The following SHANK2 variants were observed in gnomAD, a reference collection of about 807,000 sequenced individuals.
SHANK2 encodes SH3 and multiple ankyrin repeat domains protein 2.
Under a neutral mutation model 133.7 loss-of-function variants are expected in SHANK2, and 43 were observed. The observed-to-expected ratio is 0.32, with a 90% CI of 0.25 to 0.41. SHANK2 has a LOEUF of 0.41. SHANK2 is among the 10% of genes least tolerant of loss of function. The pLI is 1.00. For synonymous variants in SHANK2, 1,017 were observed against 952.8 expected (o/e 1.07, Z -1.24); for missense variants, 1,994 against 2,235.8 (o/e 0.89, Z 2.18).
At chr11:70,753,394 C>T (rs478636) in intron 14 of SHANK2, among the ~76,000 whole-genome samples, 81,844 of 151,840 alleles carry the variant, frequency 0.54, 22,410 homozygotes, top group African/African-American at 0.64. Context: ...TCAATGTCCA[C>T]AGAATATTCG....
chr11:70,776,055 C>G (rs1555043855), intron 14 of SHANK2, among the ~76,000 whole-genome samples: 1 of 152,238 alleles, frequency 6.6e-6, no homozygotes, highest in Non-Finnish European at 1.5e-5. Flanking sequence ...CCCTGGCTGA[C>G]CAGACCCAGA....
intron 17 of SHANK2, among the ~76,000 whole-genome samples, chr11:70,629,451 G>A (rs1247083330): frequency 6.6e-6 from 1 of 152,202 alleles, no homozygotes; most frequent in East Asian, 1.9e-4. Flanking sequence ...GATGGAGTGG[G>A]ACACACGGAC....
rs183888883 is a variant in SHANK2, at chr11:70,629,272, C to G, written c.2061+30556G>C. Among the ~76,000 whole-genome samples, 969 of 152,330 alleles carry G rather than the reference C, an allele frequency of 6.4e-3. 4 individuals carry two copies. Among genetic ancestry groups the G allele is most frequent in the Non-Finnish European group, 0.012 (787 of 68,036 alleles). On this transcript the variant is annotated intron_variant, in intron 17 of 25. Coordinates refer to ENST00000601538, the MANE Select transcript of SHANK2 (RefSeq NM_012309.5). ...GCCCCACCAACTAAAACACACCACCCAGGCTGCTGCCGAAAAGGCTGGGAG... is the reference window on the plus strand; with the variant it reads ...GCCCCACCAACTAAAACACACCACCGAGGCTGCTGCCGAAAAGGCTGGGAG...
intron 17 of SHANK2, among the ~76,000 whole-genome samples, chr11:70,637,855 T>C (rs1049360064): frequency 6.6e-6 from 1 of 152,136 alleles, no homozygotes; most frequent in Admixed American, 6.5e-5. Context: ...GACCAGTGAG[T>C]CTACCCAGTG....
chr11:71,083,826 C>T (rs1293607896), intron 8 of SHANK2, among the ~76,000 whole-genome samples: 2 of 152,216 alleles, frequency 1.3e-5, no homozygotes, highest in African/African-American at 4.8e-5. Context: ...AATCTGACCC[C>T]TGATGTCCTT....
chr11:70,521,658 G>A (rs1417149820), intron 17 of SHANK2, among the ~76,000 whole-genome samples: 6 of 151,980 alleles, frequency 3.9e-5, no homozygotes, highest in African/African-American at 9.7e-5. Flanking sequence ...GTGTGTGCAC[G>A]TGAGCATGTG....
In SHANK2 at chr11:70,820,384, C is replaced by T. The variant is rs782339697; in HGVS notation, c.1473G>A (p.Pro491=). The change falls in exon 12 of 26, where the codon CCG becomes CCA. Residue 491 remains proline (P), a synonymous_variant. Coordinates refer to ENST00000601538, the MANE Select transcript of SHANK2 (RefSeq NM_012309.5). ...CTTACCCGACATGCCAGAGAGGCTG[C>T]GGCCTCTTGCCGTCCTCGCCTGCGC... ...LGGAGEDGKR[P]QPLWHVGSPF... is the part of the protein sequence containing the mutation. 87 of 654,172 alleles carry T rather than the reference C, an allele frequency of 1.3e-4. 1 individual carries two copies. The highest frequency in any genetic ancestry group is 4.9e-4 in the Middle Eastern group (2 of 4,116). 40.5% of individuals were successfully genotyped at this position (654,172 alleles called of 1,614,324 possible).
intron 14 of SHANK2, among the ~76,000 whole-genome samples, chr11:70,780,213 CAG>C (rs1947452147): frequency 6.6e-6 from 1 of 152,150 alleles, no homozygotes; most frequent in Non-Finnish European, 1.5e-5. Context: ...TTCGTAGGGA[CAG>C]GGGTTGGAGG....
At chr11:70,812,383 T>A (rs1555053397) in intron 12 of SHANK2, among the ~76,000 whole-genome samples, 2 of 152,226 alleles carry the variant, frequency 1.3e-5, no homozygotes, top group African/African-American at 4.8e-5. Flanking sequence ...TTATTCACTG[T>A]TAATTTGAAC....
intron 14 of SHANK2, among the ~76,000 whole-genome samples, chr11:70,742,087 C>T (rs545601991): frequency 2.6e-3 from 391 of 152,330 alleles, no homozygotes; most frequent in African/African-American, 9.1e-3. Context: ...ACATTAGATA[C>T]ACTGGCTGTC....
At chr11:70,517,112 A>T (rs2059275657) in intron 17 of SHANK2, among the ~76,000 whole-genome samples, 1 of 152,204 alleles carries the variant, frequency 6.6e-6, no homozygotes, top group South Asian at 2.1e-4. Context: ...AGATACACAG[A>T]TGGCAAATAA....
At chr11:70,563,029 G>A (rs1014072551) in intron 17 of SHANK2, among the ~76,000 whole-genome samples, 10 of 151,940 alleles carry the variant, frequency 6.6e-5, no homozygotes, top group Admixed American at 4.6e-4. Flanking sequence ...CCACCACCGC[G>A]CCTGGCTAAT....
intron 14 of SHANK2, chr11:70,705,662 A>AGTCTGCTT (rs1945647741): frequency 6.6e-6 from 1 of 152,236 alleles, no homozygotes; most frequent in Non-Finnish European, 1.5e-5. Context: ...TGCTTCCTTA[A>AGTCTGCTT]CCATGGAGAA....
chr11:70,744,843 G>GCA (rs1555035625), intron 14 of SHANK2, among the ~76,000 whole-genome samples: 1 of 152,222 alleles, frequency 6.6e-6, no homozygotes, highest in African/African-American at 2.4e-5. Flanking sequence ...GCTTGGTCAA[G>GCA]CACACAGGCC....
At chr11:70,941,898 T>C (rs764752365) in intron 10 of SHANK2, among the ~76,000 whole-genome samples, 20 of 151,800 alleles carry the variant, frequency 1.3e-4, no homozygotes, top group Non-Finnish European at 2.5e-4. Context: ...CTGGGTCATT[T>C]CAAAAGAAAA....
At chr11:70,582,131 C>T (rs7119126) in intron 17 of SHANK2, among the ~76,000 whole-genome samples, 2,011 of 152,302 alleles carry the variant, frequency 0.013, 41 homozygotes, top group African/African-American at 0.045. Flanking sequence ...AGACCCAGGG[C>T]GGAGAGTCCA....
intron 17 of SHANK2, among the ~76,000 whole-genome samples, chr11:70,619,408 T>C (rs559353260): frequency 6.6e-6 from 1 of 152,182 alleles, no homozygotes; most frequent in Admixed American, 6.5e-5. Flanking sequence ...AGTTCTGCCT[T>C]GGGGGGTCCC....
At chr11:70,822,549 A>T (rs1037766120) in intron 11 of SHANK2, among the ~76,000 whole-genome samples, 27 of 151,074 alleles carry the variant, frequency 1.8e-4, no homozygotes, top group African/African-American at 6.3e-4. Context: ...GCGCTGGAAG[A>T]GTTCACGGGG....
At chr11:70,627,594 T>C (rs2060921429) in intron 17 of SHANK2, among the ~76,000 whole-genome samples, 1 of 152,352 alleles carries the variant, frequency 6.6e-6, no homozygotes, top group Non-Finnish European at 1.5e-5. Context: ...CTGGATTGCA[T>C]ATATTTTTGG....
Sources: allele counts gnomAD v4.1 joint callset (sites outside exome capture counted in the v4.1 genomes callset), GRCh38; gene constraint gnomAD v4.1.1; transcripts MANE v1.5; gene names NCBI Gene and HGNC (gene_info 2026-07-23, HGNC 2026-07-21).